The following NARS2 variants were observed in gnomAD, a reference collection of about 807,000 sequenced individuals.
The protein encoded by NARS2 is asparaginyl-tRNA synthetase 2, mitochondrial, also known as asparaginyl-tRNA synthetase.
NARS2 carries 60 observed loss-of-function variants against 62.9 expected under a neutral mutation model. The observed-to-expected ratio is 0.95, with a 90% CI of 0.77 to 1.18. The LOEUF is 1.18. Ranked by LOEUF, NARS2 falls within the 50% of genes most tolerant of loss-of-function variation. NARS2 has a pLI of 0.00. For missense variants in NARS2, 619 were observed against 576.4 expected (o/e 1.07, Z -0.76); for synonymous variants, 196 against 200.0 (o/e 0.98, Z 0.17).
At chr11:78,471,755 A>G (rs928294587) in intron 9 of NARS2, among the ~76,000 whole-genome samples, 38 of 140,652 alleles carry the variant, frequency 2.7e-4, no homozygotes, top group Non-Finnish European at 7.5e-5. Context: ...TCATTGTTCA[A>G]TTCCCACCTA....
At chr11:78,457,197 A>G (rs572598245) in intron 11 of NARS2, among the ~76,000 whole-genome samples, 1 of 152,354 alleles carries the variant, frequency 6.6e-6, no homozygotes, top group Admixed American at 6.5e-5. Context: ...GTGGGGAGAA[A>G]GGAAGATAAA....
intron 6 of NARS2, among the ~76,000 whole-genome samples, chr11:78,521,704 G>A (rs1861129652): frequency 6.7e-6 from 1 of 149,726 alleles, no homozygotes; most frequent in African/African-American, 2.5e-5. Flanking sequence ...GCAGGAGAAT[G>A]GCGTGAACCC....
chr11:78,539,209 T>A (rs751223505), intron 5 of NARS2, among the ~76,000 whole-genome samples: 1 of 150,856 alleles, frequency 6.6e-6, no homozygotes, highest in Non-Finnish European at 1.5e-5. Context: ...GGGATAAGAG[T>A]AGAAGTAGGG....
intron 5 of NARS2, among the ~76,000 whole-genome samples, chr11:78,532,405 T>A (rs1457117536): frequency 6.6e-6 from 1 of 152,114 alleles, no homozygotes; most frequent in Non-Finnish European, 1.5e-5. Context: ...ACAGAATATA[T>A]AAGGAACTCC....
intron 5 of NARS2, among the ~76,000 whole-genome samples, chr11:78,546,819 T>C (rs1022558877): frequency 4.6e-5 from 7 of 152,226 alleles, no homozygotes; most frequent in African/African-American, 1.7e-4. Flanking sequence ...ACAAGGATCA[T>C]ACACATTGCT....
At chr11:78,551,019 G>A (rs1213560272) in intron 5 of NARS2, among the ~76,000 whole-genome samples, 1 of 152,160 alleles carries the variant, frequency 6.6e-6, no homozygotes, top group Non-Finnish European at 1.5e-5. Context: ...TTTCAGAAGA[G>A]GCAAATCCAC....
intron 4 of NARS2, among the ~76,000 whole-genome samples, chr11:78,562,353 C>G (rs1856586079): frequency 6.6e-6 from 1 of 152,096 alleles, no homozygotes; most frequent in Admixed American, 6.5e-5. Context: ...TCAATTGGGC[C>G]TGGGGGATTA....
At chr11:78,509,898 C>T (rs1860654419) in intron 6 of NARS2, among the ~76,000 whole-genome samples, 1 of 150,932 alleles carries the variant, frequency 6.6e-6, no homozygotes, top group African/African-American at 2.4e-5. Context: ...TGAAGTTGAG[C>T]TGGTATAAAT....
intron 9 of NARS2, among the ~76,000 whole-genome samples, chr11:78,476,500 T>G (rs1859103025): frequency 6.6e-6 from 1 of 152,204 alleles, no homozygotes; most frequent in Non-Finnish European, 1.5e-5. Context: ...CTCCTACCCT[T>G]CTAATGCACT....
intron 11 of NARS2, among the ~76,000 whole-genome samples, chr11:78,459,886 G>A (rs1357335363): frequency 6.6e-6 from 1 of 152,228 alleles, no homozygotes; most frequent in East Asian, 1.9e-4. Context: ...ATCTCTGGGT[G>A]TGAAACTTAA....
intron 5 of NARS2, among the ~76,000 whole-genome samples, chr11:78,536,186 G>A (rs951565375): frequency 1.3e-5 from 2 of 152,076 alleles, no homozygotes; most frequent in Non-Finnish European, 2.9e-5. Flanking sequence ...TGATGCTGTT[G>A]TAAACAAACC....
chr11:78,557,610 A>G (rs60547321), intron 5 of NARS2, among the ~76,000 whole-genome samples: 5,072 of 152,234 alleles, frequency 0.033, 286 homozygotes, highest in African/African-American at 0.12. Context: ...TCTCTTTCTG[A>G]TATTCTGCAT....
At chr11:78,552,979 T>C (rs953966455) in intron 5 of NARS2, among the ~76,000 whole-genome samples, 7 of 152,198 alleles carry the variant, frequency 4.6e-5, no homozygotes, top group African/African-American at 1.7e-4. Context: ...TACCCAGTAA[T>C]GGGACTGCCA....
At chr11:78,452,408 ATT>A (rs749720602) in intron 11 of NARS2, among the ~76,000 whole-genome samples, 1 of 143,460 alleles carries the variant, frequency 7.0e-6, no homozygotes, top group Non-Finnish European at 1.5e-5. Flanking sequence ...TGTCTGGCCG[ATT>A]TTTTTTTTTA....
intron 6 of NARS2, among the ~76,000 whole-genome samples, chr11:78,509,626 C>T (rs940319642): frequency 6.6e-6 from 1 of 151,808 alleles, no homozygotes; most frequent in Non-Finnish European, 1.5e-5. Flanking sequence ...GAGGTTAATG[C>T]ATTTCAAAGA....
intron 1 of NARS2, among the ~76,000 whole-genome samples, chr11:78,574,059 G>A (rs145019442): frequency 6.6e-6 from 1 of 152,146 alleles, no homozygotes; most frequent in Non-Finnish European, 1.5e-5. Context: ...CATTATAAGG[G>A]ATAAAGATAG....
intron 6 of NARS2, among the ~76,000 whole-genome samples, chr11:78,506,285 G>C (rs916399820): frequency 2.6e-5 from 4 of 152,162 alleles, no homozygotes; most frequent in African/African-American, 9.7e-5. Flanking sequence ...AAATTACTTG[G>C]TAGATTCTTA....
At chr11:78,533,516 G>T (rs1227498782) in intron 5 of NARS2, among the ~76,000 whole-genome samples, 2 of 152,268 alleles carry the variant, frequency 1.3e-5, no homozygotes, top group East Asian at 3.9e-4. Flanking sequence ...AAACTGGCCA[G>T]ATCTAAAGCT....
chr11:78,515,008 C>CAGTG (rs1860851417), intron 6 of NARS2, among the ~76,000 whole-genome samples: 1 of 152,104 alleles, frequency 6.6e-6, no homozygotes, highest in Non-Finnish European at 1.5e-5. Flanking sequence ...AGGGGGCCTT[C>CAGTG]AGTGGACAAG....
Sources: allele counts gnomAD v4.1 joint callset (sites outside exome capture counted in the v4.1 genomes callset), GRCh38; gene constraint gnomAD v4.1.1; transcripts MANE v1.5; gene names NCBI Gene and HGNC (gene_info 2026-07-23, HGNC 2026-07-21).